DDX10: variants seen among roughly 807,000 people sequenced by gnomAD.
The protein encoded by DDX10 is DEAD-box helicase 10, also known as probable ATP-dependent RNA helicase DDX10.
In DDX10, 74 loss-of-function variants were observed where a neutral mutation model predicts 104.3. The ratio of observed to expected loss-of-function variants is 0.71; its 90% CI spans 0.59 to 0.86. The LOEUF (loss-of-function observed/expected upper bound fraction) is 0.86. DDX10 is among the 40% of genes least tolerant of loss of function. The probability of loss-of-function intolerance (pLI) is 0.00; values close to 1 mark genes in which losing one functional copy is unlikely to be tolerated. For missense variants in DDX10, 952 were observed against 1,040.0 expected, an observed-to-expected ratio of 0.92 and a Z score of 1.16; for synonymous variants, 351 against 353.4, an observed-to-expected ratio of 0.99 and a Z score of 0.08.
intron 13 of DDX10, among the ~76,000 whole-genome samples, chr11:108,806,779 C>T (rs1013360279): frequency 6.6e-6 from 1 of 151,908 alleles, no homozygotes; most frequent in Non-Finnish European, 1.5e-5. Flanking sequence ...GGGAAGAATT[C>T]TAAATAGAGG....
chr11:108,666,540 G>T (rs538416870), intron 1 of DDX10, among the ~76,000 whole-genome samples: 36 of 152,252 alleles, frequency 2.4e-4, no homozygotes, highest in Admixed American at 5.2e-4. Flanking sequence ...AGTTCTGGAG[G>T]CCATACGTCT....
rs995917830 is a variant in DDX10 at position 108,673,962 on chromosome 11, G to T, written c.247+435G>T. Among the ~76,000 whole-genome samples the T allele has an allele frequency of 8.5e-5, 13 of 152,324 alleles. No homozygotes were observed. The East Asian group carries it at 2.5e-3, about 29-fold the overall frequency. On this transcript the variant is annotated intron_variant, in intron 2 of 17. Transcript: ENST00000322536. ...TTAAGGCAAAATAAGGGAAGGATTT[G>T]TTCCAGGCCTCCTTGGCTTGTGGAT... is the stretch of plus-strand genomic sequence containing the variant.
At chr11:108,794,869 C>A (rs1233031746) in intron 13 of DDX10, among the ~76,000 whole-genome samples, 1 of 143,802 alleles carries the variant, frequency 7.0e-6, no homozygotes, top group South Asian at 2.4e-4. Context: ...CTCTGTTGCC[C>A]AGGCTGGAGT....
intron 7 of DDX10, 88 bp downstream of exon 7, chr11:108,689,150 G>A (rs774940938): frequency 8.7e-6 from 12 of 1,371,750 alleles, no homozygotes; most frequent in African/African-American, 5.7e-5. Context: ...TATATTGTAC[G>A]AGAAGTACAG....
intron 13 of DDX10, among the ~76,000 whole-genome samples, chr11:108,735,405 T>C (rs2094317154): frequency 1.3e-5 from 2 of 152,046 alleles, no homozygotes. Context: ...TGTGCTATGG[T>C]AGGGGCAAGA....
At chr11:108,715,145 C>G (rs577677587) in intron 10 of DDX10, among the ~76,000 whole-genome samples, 1 of 151,370 alleles carries the variant, frequency 6.6e-6, no homozygotes, top group Non-Finnish European at 1.5e-5. Context: ...ATAAGGAAAT[C>G]ACTACAATCT....
intron 16 of DDX10, among the ~76,000 whole-genome samples, chr11:108,915,193 C>A (rs1314083442): frequency 1.3e-5 from 2 of 152,102 alleles, no homozygotes; most frequent in African/African-American, 2.4e-5. Context: ...AACACAAAAC[C>A]ATTCCTAGAC....
intron 16 of DDX10, among the ~76,000 whole-genome samples, chr11:108,862,011 T>C (rs1279068997): frequency 6.6e-6 from 1 of 150,940 alleles, no homozygotes; most frequent in Non-Finnish European, 1.5e-5. Flanking sequence ...AAAAAATCTC[T>C]CTCTCTCTCC....
intron 16 of DDX10, among the ~76,000 whole-genome samples, chr11:108,869,153 T>C (rs999797896): frequency 4.6e-5 from 7 of 152,032 alleles, no homozygotes; most frequent in Admixed American, 2.0e-4. Flanking sequence ...TTAAAAGCCA[T>C]GCACACAATT....
chr11:108,824,191 C>T (rs1229882667), intron 13 of DDX10, among the ~76,000 whole-genome samples: 2 of 152,128 alleles, frequency 1.3e-5, no homozygotes, highest in Admixed American at 1.3e-4. Flanking sequence ...TGCAGGTGCT[C>T]ACCACCACGC....
In DDX10 at chr11:108,901,210, G is replaced by A. The variant is rs75940169; in HGVS notation, c.2305-16663G>A. Among the ~76,000 whole-genome samples, 659 of 152,258 alleles carry A rather than the reference G, an allele frequency of 4.3e-3. 3 individuals are homozygous for A. The highest frequency in any genetic ancestry group is 0.015 in the African/African-American group (638 of 41,556). ...TGTCTGGAAGCACTTTTAGAGCATG[G>A]AACATATTTGGTTTTTCTTTGTATT... On this transcript the variant is annotated intron_variant, in intron 16 of 17. Coordinates refer to ENST00000322536, the MANE Select transcript of DDX10 (RefSeq NM_004398.4).
chr11:108,898,598 A>G (rs1333673465), intron 16 of DDX10, among the ~76,000 whole-genome samples: 1 of 151,842 alleles, frequency 6.6e-6, no homozygotes, highest in East Asian at 1.9e-4. Context: ...AAAATACACC[A>G]GAATTTCTAC....
At chr11:108,680,929 A>G (rs1047829395) in intron 6 of DDX10, among the ~76,000 whole-genome samples, 1 of 152,200 alleles carries the variant, frequency 6.6e-6, no homozygotes, top group African/African-American at 2.4e-5. Context: ...ATGGAATAGT[A>G]AGATATGTGA....
rs565496065 is a variant in DDX10, at chr11:108,717,591, C to T, written c.1410+1625C>T. Among the ~76,000 whole-genome samples, 5 of 152,260 alleles carry T rather than the reference C, an allele frequency of 3.3e-5. No homozygotes were observed. In the South Asian group the frequency reaches 8.3e-4, roughly 25 times the overall value. On this transcript the variant is annotated intron_variant, in intron 11 of 17. Transcript: ENST00000322536. ...CCTCCCAAAGTGCTGGTATTACAAG[C>T]GTGAACCACCACGCCCAGCCAGAAG... is the stretch of plus-strand genomic sequence containing the variant.
At chr11:108,840,158 C>A (rs1352935898) in intron 14 of DDX10, among the ~76,000 whole-genome samples, 1 of 152,114 alleles carries the variant, frequency 6.6e-6, no homozygotes, top group Admixed American at 6.5e-5. Flanking sequence ...TAAAACTGAT[C>A]CCTCGCATTG....
rs555256245 is a variant in DDX10, at chr11:108,769,313, A to G, written c.1965+45851A>G. On this transcript the variant is annotated intron_variant, in intron 13 of 17. Coordinates refer to ENST00000322536, the MANE Select transcript of DDX10 (RefSeq NM_004398.4). ...TGCTTTCTTCTGTTTAATTGCTCAG[A>G]TTCATCTTCTAGTTCATCTCTGATG... Among the ~76,000 whole-genome samples, 3 of 151,404 alleles carry G rather than the reference A, an allele frequency of 2.0e-5. No homozygotes were observed. The East Asian group carries it at 5.8e-4, about 29-fold the overall frequency.
At chr11:108,707,107 A>G (rs2094277202) in intron 10 of DDX10, among the ~76,000 whole-genome samples, 1 of 152,010 alleles carries the variant, frequency 6.6e-6, no homozygotes, top group African/African-American at 2.4e-5. Context: ...TGATGAACCT[A>G]TGTTGATGTT....
intron 13 of DDX10, among the ~76,000 whole-genome samples, chr11:108,794,834 T>C (rs980121285): frequency 7.5e-5 from 11 of 147,604 alleles, no homozygotes; most frequent in South Asian, 2.1e-4. Flanking sequence ...CTCTCTCTCT[T>C]TTTTTTTTTT....
intron 16 of DDX10, among the ~76,000 whole-genome samples, chr11:108,855,415 A>G (rs1289801284): frequency 6.6e-6 from 1 of 152,142 alleles, no homozygotes; most frequent in African/African-American, 2.4e-5. Flanking sequence ...ATCCTCAGCA[A>G]TATCTCACTA....
Sources: gnomAD v4.1 joint callset for allele counts (sites outside exome capture counted in the v4.1 genomes callset) on GRCh38, gnomAD v4.1.1 for gene constraint, MANE v1.5 for transcripts, NCBI Gene and HGNC (gene_info 2026-07-23, HGNC 2026-07-21) for gene names.